The following LHFPL6 variants were observed in gnomAD, a reference collection of about 807,000 sequenced individuals.
LHFPL6 encodes the protein LHFPL tetraspan subfamily member 6 protein.
A neutral mutation model predicts 20.6 loss-of-function variants in LHFPL6; 9 were observed. The observed-to-expected ratio is 0.44, with a 90% CI of 0.26 to 0.76. The LOEUF is 0.76. LHFPL6 is among the 30% of genes least tolerant of loss of function. The pLI, the probability that LHFPL6 is intolerant of heterozygous loss-of-function variation, is 0.20. For synonymous variants in LHFPL6, 105 were observed against 98.7 expected, an observed-to-expected ratio of 1.06 and a Z score of -0.38; for missense variants, 218 against 253.5, an observed-to-expected ratio of 0.86 and a Z score of 0.95.
chr13:39,375,309 T>C (rs1870259091), intron 3 of LHFPL6, among the ~76,000 whole-genome samples: 1 of 152,182 alleles, frequency 6.6e-6, no homozygotes, highest in Non-Finnish European at 1.5e-5. Context: ...ACTTCATAAT[T>C]TGTGACTTCA....
intron 3 of LHFPL6, among the ~76,000 whole-genome samples, chr13:39,354,686 G>A (rs564171363): frequency 1.3e-5 from 2 of 152,120 alleles, no homozygotes; most frequent in African/African-American, 4.8e-5. Flanking sequence ...AGATTAAAAA[G>A]ACACGGCCAT....
chr13:39,560,454 CACT>C (rs1226435023), intron 2 of LHFPL6, among the ~76,000 whole-genome samples: 1 of 151,380 alleles, frequency 6.6e-6, no homozygotes, highest in Non-Finnish European at 1.5e-5. Context: ...GCAGATTATT[CACT>C]GCCTGGGAGT....
At chr13:39,469,550 C>T (rs2138435490) in intron 2 of LHFPL6, among the ~76,000 whole-genome samples, 1 of 152,244 alleles carries the variant, frequency 6.6e-6, no homozygotes, top group African/African-American at 2.4e-5. Flanking sequence ...TGTTTCCTTG[C>T]TCACCTTGAG....
At chr13:39,438,477 G>A (rs900572810) in intron 2 of LHFPL6, among the ~76,000 whole-genome samples, 41 of 152,238 alleles carry the variant, frequency 2.7e-4, no homozygotes, top group Admixed American at 2.0e-4. Flanking sequence ...ATTTTCAGGG[G>A]AGGAATTCAA....
intron 2 of LHFPL6, among the ~76,000 whole-genome samples, chr13:39,482,248 A>C (rs1297627813): frequency 6.6e-6 from 1 of 152,186 alleles, no homozygotes; most frequent in Non-Finnish European, 1.5e-5. Flanking sequence ...GTTTGAGACC[A>C]GCCTGGCCAA....
intron 3 of LHFPL6, among the ~76,000 whole-genome samples, chr13:39,357,922 A>G (rs1017546148): frequency 6.6e-6 from 1 of 152,162 alleles, no homozygotes. Context: ...ACCAACCATT[A>G]ATATCAATAT....
chr13:39,508,394 G>A (rs2324331), intron 2 of LHFPL6, among the ~76,000 whole-genome samples: 114,808 of 152,086 alleles, frequency 0.75, 43,510 homozygotes, highest in South Asian at 0.91. Flanking sequence ...ACATACAATG[G>A]CAAAACCATC....
chr13:39,481,083 G>T (rs1274261014), intron 2 of LHFPL6, among the ~76,000 whole-genome samples: 1 of 151,888 alleles, frequency 6.6e-6, no homozygotes, highest in Non-Finnish European at 1.5e-5. Context: ...TTTTCTCCCT[G>T]TATTTTTAAA....
rs529015395 is a variant in LHFPL6, at chr13:39,542,343, C to T, written c.385+58489G>A. 1.2e-4 allele frequency among the ~76,000 whole-genome samples: 19 copies of T among 152,192 alleles called. No homozygotes were observed. In the East Asian group the frequency reaches 1.9e-3, roughly 15 times the overall value. ...GAACTAGTGACAGAAATTACCCAAA[C>T]TAATAAACGTTGGAAATGTGGCCAC... On this transcript the variant is annotated intron_variant, in intron 2 of 3. Transcript: ENST00000379589.
At chr13:39,591,271 C>T (rs182064523) in intron 2 of LHFPL6, among the ~76,000 whole-genome samples, 18 of 152,162 alleles carry the variant, frequency 1.2e-4, no homozygotes, top group African/African-American at 4.1e-4. Flanking sequence ...TGTTGCAGGA[C>T]GAAGGAGGAA....
At chr13:39,452,945 A>G (rs1872488015) in intron 2 of LHFPL6, among the ~76,000 whole-genome samples, 1 of 152,040 alleles carries the variant, frequency 6.6e-6, no homozygotes, top group African/African-American at 2.4e-5. Context: ...TCCCCCAGAG[A>G]TAGTGATAGA....
chr13:39,453,586 C>T (rs1040931863), intron 2 of LHFPL6, among the ~76,000 whole-genome samples: 5 of 152,146 alleles, frequency 3.3e-5, no homozygotes, highest in Admixed American at 2.6e-4. Context: ...AGTATTAGTA[C>T]CCCAGCTAAG....
intron 2 of LHFPL6, among the ~76,000 whole-genome samples, chr13:39,510,204 CTAAT>C (rs1260228129): frequency 1.3e-5 from 2 of 151,800 alleles, no homozygotes; most frequent in East Asian, 1.9e-4. Flanking sequence ...AGAGTAAAAA[CTAAT>C]TAAACATTGC....
intron 2 of LHFPL6, among the ~76,000 whole-genome samples, chr13:39,543,517 GA>G (rs1870876024): frequency 6.6e-6 from 1 of 152,172 alleles, no homozygotes; most frequent in African/African-American, 2.4e-5. Flanking sequence ...GGTTTTCTGA[GA>G]AGTATCTTTC....
At chr13:39,575,371 C>G (rs2138534417) in intron 2 of LHFPL6, among the ~76,000 whole-genome samples, 1 of 152,298 alleles carries the variant, frequency 6.6e-6, no homozygotes, top group African/African-American at 2.4e-5. Context: ...ATTTTTAATA[C>G]ATTTTCCTCC....
intron 3 of LHFPL6, among the ~76,000 whole-genome samples, chr13:39,372,242 G>A (rs552440192): frequency 2.6e-5 from 4 of 152,326 alleles, no homozygotes; most frequent in East Asian, 3.9e-4. Context: ...GATCTCACAC[G>A]TCTTCTTTGT....
intron 2 of LHFPL6, among the ~76,000 whole-genome samples, chr13:39,407,789 T>C (rs1871150069): frequency 1.3e-5 from 2 of 152,390 alleles, no homozygotes; most frequent in Admixed American, 6.5e-5. Flanking sequence ...ATTTATGACC[T>C]GTCAACTTTT....
chr13:39,533,742 G>A (rs902991810), intron 2 of LHFPL6, among the ~76,000 whole-genome samples: 3 of 152,174 alleles, frequency 2.0e-5, no homozygotes, highest in African/African-American at 7.2e-5. Context: ...TGGAAGACAC[G>A]TGGTCTTCCA....
intron 3 of LHFPL6, among the ~76,000 whole-genome samples, chr13:39,364,502 GA>G (rs1344078395): frequency 3.9e-5 from 6 of 152,170 alleles, no homozygotes; most frequent in African/African-American, 1.4e-4. Context: ...CCAATGCAGA[GA>G]AATGGCAAAA....
Sources: allele counts gnomAD v4.1 joint callset (sites outside exome capture counted in the v4.1 genomes callset), GRCh38; gene constraint gnomAD v4.1.1; transcripts MANE v1.5; gene names NCBI Gene and HGNC (gene_info 2026-07-23, HGNC 2026-07-21).